TMEM229B: variants seen among roughly 807,000 people sequenced by gnomAD.
TMEM229B encodes chromosome 14 open reading frame 83.
In TMEM229B, 6 loss-of-function variants were observed where a neutral mutation model predicts 13.7. That is an observed-to-expected ratio of 0.44 (90% CI 0.24 to 0.86). The LOEUF is 0.86. TMEM229B is among the 40% of genes least tolerant of loss of function. The pLI is 0.23. For synonymous variants in TMEM229B, 107 were observed against 102.1 expected (o/e 1.05, Z -0.29); for missense variants, 170 against 236.0 (o/e 0.72, Z 1.83).
upstream of TMEM229B, among the ~76,000 whole-genome samples, chr14:67,493,540 A>T (rs2032250869): frequency 6.6e-6 from 1 of 152,172 alleles, no homozygotes. Flanking sequence ...TTGCTGAGAA[A>T]ACTTTTTCTG....
chr14:67,514,661 C>T (rs1442855356), intron 1 of TMEM229B, among the ~76,000 whole-genome samples: 2 of 152,138 alleles, frequency 1.3e-5, no homozygotes, highest in Non-Finnish European at 2.9e-5. Flanking sequence ...CAGCTTCCAC[C>T]CAGACTGTCA....
intron 2 of TMEM229B, among the ~76,000 whole-genome samples, chr14:67,474,266 A>AAAAC (rs68070724): frequency 0.14 from 10,127 of 73,902 alleles, 371 homozygotes; most frequent in African/African-American, 0.19. Context: ...AAAACAAAAC[A>AAAAC]AAAAAAAAAC....
Position 67,523,562 on chromosome 14 carries a change from C to G in TMEM229B, c.-192+10074G>C, listed in dbSNP as rs181172127. 3.3e-5 allele frequency among the ~76,000 whole-genome samples: 5 copies of G among 152,282 alleles called. No homozygotes were observed. In the East Asian group the frequency reaches 9.7e-4, roughly 29 times the overall value. On this transcript the variant is annotated intron_variant, in intron 1 of 2. Coordinates refer to the TMEM229B transcript ENST00000554278. Reference sequence around the variant, plus strand: ...CATTACCCTGTGCTCCAAGTAATGGCTTTAGATTCTACACCTCCACGCAGA... The same window carrying G: ...CATTACCCTGTGCTCCAAGTAATGGGTTTAGATTCTACACCTCCACGCAGA...
upstream of TMEM229B, among the ~76,000 whole-genome samples, chr14:67,515,854 A>C (rs2033189987): frequency 6.6e-6 from 1 of 152,174 alleles, no homozygotes; most frequent in Admixed American, 6.5e-5. Flanking sequence ...CAGTTCATGG[A>C]AACAGCCATG....
chr14:67,507,670 A>G (rs2032876479), intron 1 of TMEM229B, among the ~76,000 whole-genome samples: 1 of 152,188 alleles, frequency 6.6e-6, no homozygotes, highest in Non-Finnish European at 1.5e-5. Flanking sequence ...TGAACTGGCA[A>G]GTGATTCTCC....
chr14:67,494,701 G>A (rs2032299507), intron 1 of TMEM229B, among the ~76,000 whole-genome samples: 1 of 152,216 alleles, frequency 6.6e-6, no homozygotes, highest in South Asian at 2.1e-4. Flanking sequence ...GTGGTGCACA[G>A]AATCAGCATT....
chr14:67,532,478 T>A (rs1184553990), intron 1 of TMEM229B, among the ~76,000 whole-genome samples: 2 of 152,176 alleles, frequency 1.3e-5, no homozygotes, highest in African/African-American at 4.8e-5. Flanking sequence ...ATGAGATTGC[T>A]TTGGGCGATC....
At chr14:67,505,352 C>A (rs2032780047) in intron 1 of TMEM229B, among the ~76,000 whole-genome samples, 1 of 152,202 alleles carries the variant, frequency 6.6e-6, no homozygotes, top group Non-Finnish European at 1.5e-5. Context: ...ACTCAGGAAA[C>A]TTGATGTCTG....
At chr14:67,524,419 A>C (rs144292626) in intron 1 of TMEM229B, among the ~76,000 whole-genome samples, 1 of 152,248 alleles carries the variant, frequency 6.6e-6, no homozygotes, top group South Asian at 2.1e-4. Context: ...TGGTGCTACA[A>C]TTAGGAGTGT....
At chr14:67,498,295 T>A (rs1018355795) in intron 1 of TMEM229B, among the ~76,000 whole-genome samples, 18 of 152,178 alleles carry the variant, frequency 1.2e-4, no homozygotes, top group African/African-American at 4.3e-4. Context: ...GGGTGGGCAA[T>A]CACTCTGTGG....
rs1237034074 is a variant in TMEM229B, at chr14:67,473,924, G to T, written c.-1C>A. 1.9e-5 allele frequency: 31 copies of T among 1,597,074 alleles called. No individual in the cohort carries two copies. Among genetic ancestry groups the T allele is most frequent in the Non-Finnish European group, 2.5e-5 (29 of 1,172,130 alleles). On this transcript the variant is annotated 5_prime_UTR_variant, in exon 3 of 3. Coordinates refer to ENST00000554480, the MANE Select transcript of TMEM229B (RefSeq NM_001348543.2). The surrounding 1 kb of genome is among the most constrained non-coding windows in gnomAD (Gnocchi z 6.5). ...CCGTCAGGGGCTCGGCAGACGCCAT[G>T]GCGCCGACTGGGGCTGGCTGCGGGG... is the stretch of plus-strand genomic sequence containing the variant.
At chr14:67,498,979 T>TTTTATTTATTTATTTATTTA (rs10523208) in intron 1 of TMEM229B, among the ~76,000 whole-genome samples, 2,141 of 146,598 alleles carry the variant, frequency 0.015, 24 homozygotes, top group Non-Finnish European at 0.019. Flanking sequence ...AAGGCAATGG[T>TTTTATTTATTTATTTATTTA]TTTATTTATT....
chr14:67,499,738 A>G (rs1483103317), intron 1 of TMEM229B, among the ~76,000 whole-genome samples: 1 of 152,174 alleles, frequency 6.6e-6, no homozygotes, highest in Non-Finnish European at 1.5e-5. Flanking sequence ...AGTGCCAGAA[A>G]TACTTATGGC....
chr14:67,520,216 T>C (rs2033270628), upstream of TMEM229B, among the ~76,000 whole-genome samples: 1 of 152,204 alleles, frequency 6.6e-6, no homozygotes, highest in African/African-American at 2.4e-5. Flanking sequence ...TAGTTTACAT[T>C]AGGGTTCACT....
intron 1 of TMEM229B, among the ~76,000 whole-genome samples, chr14:67,503,070 G>A (rs538779039): frequency 2.8e-4 from 42 of 152,226 alleles, no homozygotes; most frequent in South Asian, 2.7e-3. Context: ...GCAGATAACC[G>A]CACGCTAACA....
intron 1 of TMEM229B, among the ~76,000 whole-genome samples, chr14:67,497,926 C>T (rs1373715214): frequency 6.6e-6 from 1 of 152,062 alleles, no homozygotes; most frequent in Non-Finnish European, 1.5e-5. Context: ...CAAGCAACCA[C>T]ATATTAGAAT....
chr14:67,513,198 C>A (rs529125600), intron 1 of TMEM229B, among the ~76,000 whole-genome samples: 8 of 152,308 alleles, frequency 5.3e-5, no homozygotes, highest in African/African-American at 1.9e-4. Flanking sequence ...CCACTGGAGG[C>A]TCGGAGGTCA....
At chr14:67,516,669 G>A (rs1035564360), upstream of TMEM229B, among the ~76,000 whole-genome samples, 1 of 152,190 alleles carries the variant, frequency 6.6e-6, no homozygotes. Context: ...TCAACCTCCT[G>A]TCCCTGGCCA....
intron 1 of TMEM229B, among the ~76,000 whole-genome samples, chr14:67,493,914 T>C (rs1013795012): frequency 9.2e-5 from 14 of 151,498 alleles, no homozygotes; most frequent in Non-Finnish European, 1.6e-4. Flanking sequence ...TTTTTTTTAA[T>C]TGAAGGATGA....
Sources: gnomAD v4.1 joint callset for allele counts (sites outside exome capture counted in the v4.1 genomes callset) on GRCh38, gnomAD v4.1.1 for gene constraint, Gnocchi (gnomAD v3.1) non-coding constraint, MANE v1.5 for transcripts, NCBI Gene and HGNC (gene_info 2026-07-23, HGNC 2026-07-21) for gene names.